TRHDE: variants seen among roughly 807,000 people sequenced by gnomAD.
The protein encoded by TRHDE is thyrotropin-releasing hormone-degrading ectoenzyme.
TRHDE carries 72 observed loss-of-function variants against 125.7 expected under a neutral mutation model. The observed-to-expected ratio is 0.57, with a 90% confidence interval of 0.47 to 0.70. The LOEUF (loss-of-function observed/expected upper bound fraction) is 0.70, where lower values mean the gene tolerates loss of function less well. TRHDE is among the 30% of genes least tolerant of loss of function. TRHDE has a pLI of 0.00. For synonymous variants in TRHDE, 509 were observed against 509.1 expected (o/e 1.00, Z 0.00); for missense variants, 1,110 against 1,327.1 (o/e 0.84, Z 2.54).
At chr12:72,156,046 G>T (rs614422) in intron 2 of TRHDE, among the ~76,000 whole-genome samples, 1 of 152,204 alleles carries the variant, frequency 6.6e-6, no homozygotes, top group Non-Finnish European at 1.5e-5. Context: ...GCTCCACCCA[G>T]TTCGAGCTTC....
chr12:72,484,121 C>G (rs1177820902), intron 5 of TRHDE, among the ~76,000 whole-genome samples: 1 of 152,012 alleles, frequency 6.6e-6, no homozygotes, highest in Non-Finnish European at 1.5e-5. Context: ...TAGTCGTATA[C>G]ATTTAAAAAT....
intron 3 of TRHDE, among the ~76,000 whole-genome samples, chr12:72,463,848 A>G (rs1358418067): frequency 6.6e-6 from 1 of 152,204 alleles, no homozygotes. Context: ...GAAGGGTAAT[A>G]AGGCAACACT....
At chr12:72,299,460 T>C (rs1474315975) in intron 2 of TRHDE, among the ~76,000 whole-genome samples, 1 of 152,212 alleles carries the variant, frequency 6.6e-6, no homozygotes, top group African/African-American at 2.4e-5. Context: ...TCACTACCCA[T>C]ATGTGCTGTT....
At chr12:72,385,583 C>T (rs1211197239) in intron 3 of TRHDE, among the ~76,000 whole-genome samples, 1 of 152,092 alleles carries the variant, frequency 6.6e-6, no homozygotes, top group East Asian at 1.9e-4. Flanking sequence ...ACTCTGACAA[C>T]CACTTGTGCT....
intron 2 of TRHDE, among the ~76,000 whole-genome samples, chr12:72,153,354 G>T (rs1037411539): frequency 1.6e-4 from 24 of 152,096 alleles, no homozygotes; most frequent in African/African-American, 5.6e-4. Context: ...CCAGCTCCTG[G>T]ATTCATGATT....
chr12:72,270,069 C>T (rs1228642444), upstream of TRHDE, among the ~76,000 whole-genome samples: 2 of 152,150 alleles, frequency 1.3e-5, no homozygotes, highest in Non-Finnish European at 2.9e-5. Flanking sequence ...TGGTGACCTG[C>T]TGAGGATCGC....
chr12:72,224,465 C>G (rs1028630440), intron 2 of TRHDE, among the ~76,000 whole-genome samples: 4 of 152,072 alleles, frequency 2.6e-5, no homozygotes, highest in African/African-American at 9.7e-5. Flanking sequence ...TGCTCCATAT[C>G]ACTAACTGGA....
At chr12:72,603,081 A>C (rs1161195209) in intron 12 of TRHDE, among the ~76,000 whole-genome samples, 1 of 152,218 alleles carries the variant, frequency 6.6e-6, no homozygotes. Flanking sequence ...TAAAGAAATA[A>C]GGCTTCTTTG....
chr12:72,158,500 T>C (rs1876567813), intron 2 of TRHDE, among the ~76,000 whole-genome samples: 1 of 152,030 alleles, frequency 6.6e-6, no homozygotes, highest in South Asian at 2.1e-4. Flanking sequence ...GATTTATTAG[T>C]ATTATTTTTA....
chr12:72,387,592 A>G (rs930474089), intron 3 of TRHDE, among the ~76,000 whole-genome samples: 2 of 152,150 alleles, frequency 1.3e-5, no homozygotes, highest in African/African-American at 4.8e-5. Flanking sequence ...GCTTCCCATT[A>G]CTCATAAAGT....
chr12:72,400,101 G>C (rs1183961273), intron 3 of TRHDE, among the ~76,000 whole-genome samples: 1 of 151,958 alleles, frequency 6.6e-6, no homozygotes, highest in Non-Finnish European at 1.5e-5. Flanking sequence ...AGCCTTTTGA[G>C]TAAGAAAGTC....
intron 2 of TRHDE, among the ~76,000 whole-genome samples, chr12:72,324,029 T>C (rs1869224537): frequency 6.6e-6 from 1 of 152,102 alleles, no homozygotes; most frequent in Non-Finnish European, 1.5e-5. Flanking sequence ...GTCTTCCTGA[T>C]GCCAGTTTGT....
At chr12:72,538,847 A>T (rs892951764) in intron 6 of TRHDE, among the ~76,000 whole-genome samples, 5 of 151,862 alleles carry the variant, frequency 3.3e-5, no homozygotes, top group African/African-American at 1.2e-4. Context: ...TCTTCCTTGG[A>T]GTATCACAGT....
chr12:72,555,511 T>C (rs1869878884), intron 7 of TRHDE, among the ~76,000 whole-genome samples: 1 of 152,204 alleles, frequency 6.6e-6, no homozygotes, highest in South Asian at 2.1e-4. Flanking sequence ...TCTTATCTAA[T>C]AGAATTAAAA....
At chr12:72,614,521 T>G (rs1872747291) in intron 12 of TRHDE, among the ~76,000 whole-genome samples, 1 of 151,876 alleles carries the variant, frequency 6.6e-6, no homozygotes, top group Non-Finnish European at 1.5e-5. Context: ...CCTAATAAAC[T>G]TTTTAATTAA....
chr12:72,491,325 T>G (rs959144149), intron 5 of TRHDE, among the ~76,000 whole-genome samples: 4 of 151,882 alleles, frequency 2.6e-5, no homozygotes, highest in African/African-American at 7.2e-5. Flanking sequence ...ATTACTGTGA[T>G]TGACATTATT....
chr12:72,513,340 CAA>C (rs1370698739), intron 6 of TRHDE, among the ~76,000 whole-genome samples: 1 of 152,058 alleles, frequency 6.6e-6, no homozygotes, highest in Non-Finnish European at 1.5e-5. Flanking sequence ...AGTCGAACAA[CAA>C]AGACACCCTT....
At chr12:72,606,689 G>T (rs1872458868) in intron 12 of TRHDE, among the ~76,000 whole-genome samples, 2 of 152,042 alleles carry the variant, frequency 1.3e-5, no homozygotes, top group East Asian at 1.9e-4. Context: ...ACCCTACTTT[G>T]TTTTTTAACT....
At chr12:72,517,820 G>A (rs879682425) in intron 6 of TRHDE, among the ~76,000 whole-genome samples, 7,333 of 151,228 alleles carry the variant, frequency 0.048, 261 homozygotes, top group Admixed American at 0.11. Flanking sequence ...CTTTGAATGC[G>A]TCCCAGAGAT....
Sources: gnomAD v4.1 joint callset for allele counts (sites outside exome capture counted in the v4.1 genomes callset) on GRCh38, gnomAD v4.1.1 for gene constraint, MANE v1.5 for transcripts, NCBI Gene and HGNC (gene_info 2026-07-23, HGNC 2026-07-21) for gene names.